The following PSMD2 variants were observed in gnomAD, a reference collection of about 807,000 sequenced individuals.
PSMD2 encodes proteasome 26S subunit ubiquitin receptor, non-ATPase 2, also known as 26S proteasome non-ATPase regulatory subunit 2.
A neutral mutation model predicts 101.5 loss-of-function variants in PSMD2; 8 were observed. That is an observed-to-expected ratio of 0.08 (90% CI 0.05 to 0.14). PSMD2 has a LOEUF of 0.14. Among genes scored for constraint, PSMD2 ranks in the 10% least tolerant of loss-of-function variants. PSMD2 has a pLI of 1.00. For missense variants in PSMD2, 784 were observed against 1,147.4 expected (o/e 0.68, Z 4.58); for synonymous variants, 418 against 433.8 (o/e 0.96, Z 0.45).
chr3:184,300,052 G>A (rs1176724481), intron 2 of PSMD2, 145 bp downstream of exon 2: 1 of 902,968 alleles, frequency 1.1e-6, no homozygotes, highest in Non-Finnish European at 1.8e-6. Context: ...AGTTACAAAG[G>A]GTATTTGTAC....
At chr3:184,299,699 T>G (rs1721578817) in intron 1 of PSMD2, 152 bp from the exon 2 acceptor site, 1 of 700,878 alleles carries the variant, frequency 1.4e-6, no homozygotes, top group South Asian at 1.8e-5. Flanking sequence ...CCAGGCTGAT[T>G]TCTCACCAGG....
chr3:184,302,110 T>C (rs1452534603), intron 5 of PSMD2, 39 bp downstream of exon 5: 9 of 1,583,858 alleles, frequency 5.7e-6, no homozygotes, highest in Non-Finnish European at 7.8e-6. Context: ...AGGCATGCCC[T>C]CCTCAGCACC....
intron 9 of PSMD2, 74 bp from the exon 10 acceptor site, chr3:184,303,569 T>C: frequency 1.9e-6 from 3 of 1,608,560 alleles, no homozygotes; most frequent in South Asian, 1.1e-5. Flanking sequence ...TGCAGTTCTT[T>C]GGAGAGCTCT....
Position 184,307,681 on chromosome 3 carries a change from C to T in PSMD2, c.2271C>T (p.Asn757=). 1 of 1,614,188 alleles carries T rather than the reference C, an allele frequency of 6.2e-7. No individual in the cohort carries two copies. Among genetic ancestry groups the T allele is most frequent in the South Asian group, 1.1e-5 (1 of 91,088 alleles). Residue 757 remains asparagine, a synonymous_variant, in exon 18 of 21, where the codon AAC becomes AAT. Coordinates refer to ENST00000310118, the MANE Select transcript of PSMD2 (RefSeq NM_002808.5). Reference sequence around the variant, plus strand: ...CTCAATATCATGCCAAGGACCCAAACAACCTCTTCATGGTGCGCTTGGCAC... The same window carrying T: ...CTCAATATCATGCCAAGGACCCAAATAACCTCTTCATGGTGCGCTTGGCAC... The part of the protein sequence containing the change: ...QLAQYHAKDP[N]NLFMVRLAQG...
At chr3:184,302,151 C>T in intron 5 of PSMD2, 80 bp downstream of exon 5, 1 of 1,456,484 alleles carries the variant, frequency 6.9e-7, no homozygotes, top group Non-Finnish European at 9.6e-7. Flanking sequence ...TCTATTTTCC[C>T]AGAGCATTTG....
Position 184,307,668 on chromosome 3 carries a change from C to T in PSMD2, c.2258C>T (p.Ala753Val). 1 of 1,614,124 alleles carries T rather than the reference C, an allele frequency of 6.2e-7. No homozygotes were observed. Among genetic ancestry groups the T allele is most frequent in the South Asian group, 1.1e-5 (1 of 91,082 alleles). Reference sequence around the variant, plus strand: ...CTGCGCCAGTTAGCTCAATATCATGCCAAGGACCCAAACAACCTCTTCATG... The same window carrying T: ...CTGCGCCAGTTAGCTCAATATCATGTCAAGGACCCAAACAACCTCTTCATG... ...AMLRQLAQYH[A>V]KDPNNLFMVR... is the part of the protein sequence containing the mutation. The change falls in exon 18 of 21, where the codon GCC (alanine) becomes GTC (valine). Residue 753 changes from alanine to valine, a missense_variant. Ala to Val is a moderately conservative substitution (Grantham distance 64). This residue lies in a region of PSMD2 where 282 missense variants were observed against 437.6 expected (regional missense o/e 0.64). Coordinates refer to ENST00000310118, the MANE Select transcript of PSMD2 (RefSeq NM_002808.5).
chr3:184,302,848 G>A (rs1311894769), intron 7 of PSMD2, 25 bp downstream of exon 7: 2 of 1,613,684 alleles, frequency 1.2e-6, no homozygotes, highest in Non-Finnish European at 1.7e-6. Flanking sequence ...TTTTCATCAA[G>A]GCCTTTTCGT....
intron 8 of PSMD2, 119 bp from the exon 9 acceptor site, chr3:184,303,201 G>C: frequency 2.0e-6 from 3 of 1,496,804 alleles, no homozygotes; most frequent in Non-Finnish European, 2.8e-6. Flanking sequence ...GCTTGGGGGG[G>C]TATAGGTAGA....
At chr3:184,303,509 A>C in intron 9 of PSMD2, 43 bp downstream of exon 9, 1 of 1,609,384 alleles carries the variant, frequency 6.2e-7, no homozygotes, top group Non-Finnish European at 8.5e-7. Context: ...TGCTTTGATC[A>C]CTTCTTTTGT....
chr3:184,301,424 G>A, intron 3 of PSMD2, 113 bp from the exon 4 acceptor site: 2 of 1,325,470 alleles, frequency 1.5e-6, no homozygotes, highest in Non-Finnish European at 2.1e-6. Flanking sequence ...TTCTAGTACA[G>A]AGATTGGTAT....
Position 184,302,442 on chromosome 3 carries a change from T to C in PSMD2, c.777T>C (p.Phe259=). The C allele has an allele frequency of 6.2e-7, 1 of 1,614,226 alleles. No homozygotes were observed. Among genetic ancestry groups the C allele is most frequent in the South Asian group, 1.1e-5 (1 of 91,086 alleles). The change falls in exon 6 of 21, where the codon TTT becomes TTC. Residue 259 remains phenylalanine, a synonymous_variant. Transcript: ENST00000310118. Reference sequence around the variant, plus strand: ...GTGCCCTGGGTGTGTTCCGAAAGTTTAGCCGCTTCCCTGAAGCTCTGAGAT... The same window carrying C: ...GTGCCCTGGGTGTGTTCCGAAAGTTCAGCCGCTTCCCTGAAGCTCTGAGAT... ...LRCALGVFRK[F]SRFPEALRLA...
chr3:184,300,205 A>G, intron 2 of PSMD2, 75 bp from the exon 3 acceptor site: 1 of 1,401,020 alleles, frequency 7.1e-7, no homozygotes, highest in South Asian at 1.3e-5. Flanking sequence ...AGGAGTTGTT[A>G]AGTTAAATAT....
At position 184,304,459 on chromosome 3, in the gene PSMD2, A is replaced by C. The variant is rs1012873092; in HGVS notation, c.1539+68A>C. ...GCTTTGAGTCTTACTTTCTGTGATA[A>C]ATAATGAAAAAGAAGTAAGTGTGTG... On this transcript the variant is annotated intron_variant, in intron 12 of 20. Transcript: ENST00000310118. This position sits in a 1 kb window ranked among gnomAD's most constrained non-coding sequence, Gnocchi z 4.1. 1.3e-6 allele frequency: 2 copies of C among 1,486,976 alleles called. No individual in the cohort carries two copies. Among genetic ancestry groups the C allele is most frequent in the African/African-American group, 2.8e-5 (2 of 71,928 alleles). 92.1% of individuals were successfully genotyped at this position (1,486,976 alleles called of 1,614,324 possible). A position where few individuals can be genotyped will look rare whatever the true frequency, so the allele number is the denominator to read the frequency against.
At chr3:184,306,259 G>A (rs1387953824) in intron 14 of PSMD2, 91 bp from the exon 15 acceptor site, 27 of 1,591,642 alleles carry the variant, frequency 1.7e-5, no homozygotes, top group Non-Finnish European at 2.2e-5. Context: ...ATTCTGATCT[G>A]CTCTAGATTC....
chr3:184,299,614 C>T (rs186226118), intron 1 of PSMD2: 2 of 711,724 alleles, frequency 2.8e-6, no homozygotes, highest in African/African-American at 1.8e-5. Flanking sequence ...ACCACCGCCG[C>T]GTGAAGTGGA....
chr3:184,299,256 T>G lies in PSMD2; in HGVS notation c.-11T>G. ...GGGTGCGCGCGCAGCGGGCCGGCAG[T>G]GGCGGCGGAGATGGAGGAGGGAGGC... On this transcript the variant is annotated 5_prime_UTR_variant, in exon 1 of 21. Coordinates refer to ENST00000310118, the MANE Select transcript of PSMD2 (RefSeq NM_002808.5). 1 of 1,331,298 alleles carries G rather than the reference T, an allele frequency of 7.5e-7. No homozygotes were observed. The highest frequency in any genetic ancestry group is 9.6e-7 in the Non-Finnish European group (1 of 1,042,490). The allele number at this position is 1,331,298 out of a possible 1,614,324, so 82.5% of individuals were successfully genotyped here.
At chr3:184,302,566 G>A (rs772527589) in intron 6 of PSMD2, 38 bp downstream of exon 6, 20 of 1,612,180 alleles carry the variant, frequency 1.2e-5, no homozygotes, top group African/African-American at 2.7e-5. Context: ...ATAAGCTTAC[G>A]AATAGGACAC....
Position 184,303,373 on chromosome 3 carries a change from T to A in PSMD2, c.1123T>A (p.Ser375Thr), listed in dbSNP as rs1011325406. ...CTCTGCCCGCATGAACCTGGCCTCC[T>A]CTTTTGTGAATGGCTTTGTGAATGC... The part of the protein sequence containing the change: ...VDSARMNLAS[S>T]FVNGFVNAAF... The change falls in exon 9 of 21, where the codon TCT (serine) becomes ACT (threonine). Residue 375 changes from serine (S) to threonine (T), a missense_variant. Coordinates refer to ENST00000310118, the MANE Select transcript of PSMD2 (RefSeq NM_002808.5). The A allele has an allele frequency of 1.1e-5, 17 of 1,614,072 alleles. No individual in the cohort carries two copies. The highest frequency in any genetic ancestry group is 1.4e-5 in the Non-Finnish European group (17 of 1,180,046).
Position 184,304,382 on chromosome 3 carries a change from C to T in PSMD2, c.1530C>T (p.Ser510=), listed in dbSNP as rs769207007. The T allele has an allele frequency of 6.2e-7, 1 of 1,614,074 alleles. No individual in the cohort carries two copies. The highest frequency in any genetic ancestry group is 8.5e-7 in the Non-Finnish European group (1 of 1,179,948). ...TGCCTGTGATGGGAGATTCAAAGTCCAGCATGGAGGTGAGTAGAGGCTATT... is the reference window on the plus strand; with the variant it reads ...TGCCTGTGATGGGAGATTCAAAGTCTAGCATGGAGGTGAGTAGAGGCTATT... ...LLLPVMGDSK[S]SMEVAGVTAL... is the part of the protein sequence containing the mutation. Residue 510 remains serine, a synonymous_variant, in exon 12 of 21, where the codon TCC becomes TCT. Transcript: ENST00000310118. This position sits in a 1 kb window ranked among gnomAD's most constrained non-coding sequence, Gnocchi z 4.1.
Sources: allele counts gnomAD v4.1 joint callset, GRCh38; gene constraint gnomAD v4.1.1; regional missense constraint gnomAD v4.1.1; non-coding constraint Gnocchi (gnomAD v3.1); transcripts MANE v1.5; gene names NCBI Gene and HGNC (gene_info 2026-07-23, HGNC 2026-07-21).